Variants in MYDGF observed in about 807,000 individuals in gnomAD.
MYDGF encodes the protein myeloid-derived growth factor.
Under a neutral mutation model 24.2 loss-of-function variants are expected in MYDGF, and 29 were observed. That is an observed-to-expected ratio of 1.20 (90% CI 0.89 to 1.63). The LOEUF is 1.63. Ranked by LOEUF, MYDGF falls within the 40% of genes most tolerant of loss-of-function variation. The pLI, the probability that MYDGF is intolerant of heterozygous loss-of-function variation, is 0.00. For missense variants in MYDGF, 245 were observed against 234.8 expected (o/e 1.04, Z -0.29); for synonymous variants, 105 against 102.5 (o/e 1.02, Z -0.15).
intron 2 of MYDGF, among the ~76,000 whole-genome samples, chr19:4,666,277 C>CTTT (rs556392738): frequency 7.1e-6 from 1 of 141,534 alleles, no homozygotes. Context: ...TACAGTTTTA[C>CTTT]TTTTTTTTTT....
In MYDGF at chr19:4,664,867, G is replaced by A. The variant is rs774684657; in HGVS notation, c.287+9C>T. On this transcript the variant is annotated intron_variant, in intron 3 of 5. Transcript: ENST00000262947. ...CAGCCGGAAATGCCATCCCCACCCCGAGTCTCACCTCCAGATGGTGCAGGT... is the reference window on the plus strand; with the variant it reads ...CAGCCGGAAATGCCATCCCCACCCCAAGTCTCACCTCCAGATGGTGCAGGT... 5.0e-5 allele frequency: 81 copies of A among 1,611,808 alleles called. No individual in the cohort carries two copies. Among genetic ancestry groups the A allele is most frequent in the Middle Eastern group, 1.6e-4 (1 of 6,080 alleles).
intron 4 of MYDGF, 46 bp downstream of exon 4, chr19:4,660,623 T>C: frequency 1.9e-6 from 3 of 1,550,058 alleles, no homozygotes; most frequent in Non-Finnish European, 2.7e-6. Flanking sequence ...GCTGCCCCAG[T>C]GCACAGAAGC....
intron 3 of MYDGF, among the ~76,000 whole-genome samples, chr19:4,662,328 T>TA (rs1254823587): frequency 6.6e-6 from 1 of 152,148 alleles, no homozygotes; most frequent in African/African-American, 2.4e-5. Flanking sequence ...CTGCACAAAA[T>TA]AAAGGCTCAA....
At chr19:4,669,274 G>C (rs545859261) in intron 1 of MYDGF, among the ~76,000 whole-genome samples, 1 of 152,198 alleles carries the variant, frequency 6.6e-6, no homozygotes, top group Admixed American at 6.5e-5. Context: ...AGGAGTTCAA[G>C]ACCAGCCTGG....
chr19:4,665,860 A>C (rs1473322120), intron 2 of MYDGF, among the ~76,000 whole-genome samples: 2 of 144,936 alleles, frequency 1.4e-5, no homozygotes, highest in Non-Finnish European at 3.1e-5. Flanking sequence ...AAGATGTCCC[A>C]TATCATTTAT....
In MYDGF at chr19:4,670,022, C is replaced by T. The variant is rs1313991104; in HGVS notation, c.174+139G>A. On this transcript the variant is annotated intron_variant, in intron 1 of 5. Coordinates refer to ENST00000262947, the MANE Select transcript of MYDGF (RefSeq NM_019107.4). ...GGTCCCGCGCCCCCCACTCAGCCTCCGACCCTAACAATCCGCACCCCTTCT... is the reference window on the plus strand; with the variant it reads ...GGTCCCGCGCCCCCCACTCAGCCTCTGACCCTAACAATCCGCACCCCTTCT... The T allele has an allele frequency of 4.0e-6, 4 of 992,458 alleles. No individual in the cohort carries two copies. The African/African-American group carries it at 6.8e-5, about 17-fold the overall frequency. The allele number at this position is 992,458 out of a possible 1,614,324, so 61.5% of individuals were successfully genotyped here. A position where few individuals can be genotyped will look rare whatever the true frequency, so the allele number is the denominator to read the frequency against.
At chr19:4,669,451 A>C (rs1568288925) in intron 1 of MYDGF, among the ~76,000 whole-genome samples, 1 of 152,090 alleles carries the variant, frequency 6.6e-6, no homozygotes, top group Non-Finnish European at 1.5e-5. Flanking sequence ...GCTCCATCTC[A>C]AACAACAACA....
At position 4,670,339 on chromosome 19, in the gene MYDGF, G is replaced by T. The variant is rs1303114237; in HGVS notation, c.-5C>A. On this transcript the variant is annotated 5_prime_UTR_variant, in exon 1 of 6. Transcript: ENST00000262947. The stretch of plus-strand genomic sequence containing the variant: ...CCCTCCGCTGGGCGCCGCCATGTTG[G>T]ACTAGGGTCCTCAGGGCAGGGGCGG... 1 of 1,436,836 alleles carries T rather than the reference G, an allele frequency of 7.0e-7. No homozygotes were observed. Among genetic ancestry groups the T allele is most frequent in the South Asian group, 1.4e-5 (1 of 70,716 alleles). 89.0% of individuals were successfully genotyped at this position (1,436,836 alleles called of 1,614,324 possible). A position where few individuals can be genotyped will look rare whatever the true frequency, so the allele number is the denominator to read the frequency against.
intron 2 of MYDGF, among the ~76,000 whole-genome samples, chr19:4,666,834 G>T (rs2088525167): frequency 6.6e-6 from 1 of 152,146 alleles, no homozygotes; most frequent in African/African-American, 2.4e-5. Flanking sequence ...GGGAGGCCGA[G>T]GCAGGCTGAT....
At chr19:4,667,289 C>T (rs1446957478) in intron 2 of MYDGF, among the ~76,000 whole-genome samples, 4 of 152,048 alleles carry the variant, frequency 2.6e-5, no homozygotes, top group East Asian at 1.9e-4. Flanking sequence ...CCAAAACACC[C>T]GGCTAATTTT....
intron 5 of MYDGF, among the ~76,000 whole-genome samples, chr19:4,658,745 C>G (rs527439033): frequency 1.4e-4 from 21 of 152,238 alleles, no homozygotes; most frequent in African/African-American, 5.1e-4. Context: ...TGCCACAGTC[C>G]CAACCTCAAA....
intron 5 of MYDGF, chr19:4,659,692 C>A: frequency 3.6e-6 from 2 of 562,646 alleles, no homozygotes; most frequent in Non-Finnish European, 6.3e-6. Context: ...CACAGCCACA[C>A]CCACGCATGG....
chr19:4,657,755 G>C lies in MYDGF; in HGVS notation c.*250C>G, dbSNP rs560927715. 6.4e-5 allele frequency: 22 copies of C among 345,684 alleles called. No homozygotes were observed. Among genetic ancestry groups the C allele is most frequent in the African/African-American group, 4.6e-4 (22 of 48,066 alleles). 21.4% of individuals were successfully genotyped at this position (345,684 alleles called of 1,614,324 possible). A position where few individuals can be genotyped will look rare whatever the true frequency, so the allele number is the denominator to read the frequency against. ...CTTTGTGCCCCGGATCTGCGATCCT[G>C]AGTCCAGAAGAGCTCAGCAGGAAGT... On this transcript the variant is annotated 3_prime_UTR_variant, in exon 6 of 6. Transcript: ENST00000262947.
Position 4,670,277 on chromosome 19 carries a change from G to A in MYDGF, c.58C>T (p.Leu20Phe). 1.9e-6 allele frequency: 3 copies of A among 1,539,894 alleles called. No individual in the cohort carries two copies. Among genetic ancestry groups the A allele is most frequent in the African/African-American group, 1.4e-5 (1 of 70,510 alleles). The change falls in exon 1 of 6, where the codon CTC (leucine) becomes TTC (phenylalanine). Residue 20 changes from leucine (L) to phenylalanine (F), a missense_variant. Leu to Phe is a conservative substitution (Grantham distance 22). Transcript: ENST00000262947. The stretch of plus-strand genomic sequence containing the variant: ...GGCCTCAGCGCCACGGCCCCTAGGA[G>A]CAGCGCGGCCCACAAGCTCGCGCCG... ...GVGASLWAAL[L>F]LGAVALRPAE...
intron 1 of MYDGF, among the ~76,000 whole-genome samples, chr19:4,669,934 G>A (rs73920117): frequency 6.6e-6 from 1 of 152,032 alleles, no homozygotes. Flanking sequence ...CAACGCCGCC[G>A]GGGCCCACAA....
intron 5 of MYDGF, 59 bp downstream of exon 5, chr19:4,659,872 G>A (rs764173514): frequency 4.6e-6 from 7 of 1,534,336 alleles, no homozygotes; most frequent in East Asian, 2.2e-5. Context: ...AAACTGCCCC[G>A]ATTGCCCACC....
chr19:4,662,686 C>T (rs1048747267), intron 3 of MYDGF, among the ~76,000 whole-genome samples: 10 of 152,052 alleles, frequency 6.6e-5, no homozygotes, highest in African/African-American at 2.4e-4. Context: ...GATGTCTGCA[C>T]CCCAAGAAGG....
intron 1 of MYDGF, among the ~76,000 whole-genome samples, chr19:4,669,610 A>G (rs1239908085): frequency 6.6e-6 from 1 of 152,172 alleles, no homozygotes; most frequent in Non-Finnish European, 1.5e-5. Context: ...AATAGTCAAA[A>G]AACAGTAAAG....
chr19:4,664,499 A>G (rs1307228517), intron 3 of MYDGF, among the ~76,000 whole-genome samples: 1 of 151,800 alleles, frequency 6.6e-6, no homozygotes, highest in Non-Finnish European at 1.5e-5. Flanking sequence ...CAAAAAAAAA[A>G]AAAAAAAAAT....
Sources: allele counts gnomAD v4.1 joint callset (sites outside exome capture counted in the v4.1 genomes callset), GRCh38; gene constraint gnomAD v4.1.1; transcripts MANE v1.5; gene names NCBI Gene and HGNC (gene_info 2026-07-23, HGNC 2026-07-21).